The following GRM7 variants were observed in gnomAD, a reference collection of about 807,000 sequenced individuals.
GRM7 encodes metabotropic glutamate receptor 7.
Under a neutral mutation model 84.5 loss-of-function variants are expected in GRM7, and 35 were observed. That is an observed-to-expected ratio of 0.41 (90% CI 0.32 to 0.55). GRM7 has a LOEUF of 0.55. Among genes scored for constraint, GRM7 ranks in the 20% least tolerant of loss-of-function variants. GRM7 has a pLI of 0.19. For synonymous variants in GRM7, 487 were observed against 455.1 expected (o/e 1.07, Z -0.89); for missense variants, 1,003 against 1,194.6 (o/e 0.84, Z 2.36).
intron 4 of GRM7, among the ~76,000 whole-genome samples, chr3:7,316,458 T>C (rs991937345): frequency 6.6e-6 from 1 of 151,748 alleles, no homozygotes; most frequent in Admixed American, 6.6e-5. Context: ...AAAAAACAAA[T>C]GAGAGATGAC....
At chr3:7,728,239 A>G (rs111808425) in intron 9 of GRM7, among the ~76,000 whole-genome samples, 1 of 152,222 alleles carries the variant, frequency 6.6e-6, no homozygotes, top group Non-Finnish European at 1.5e-5. Context: ...CTTGTGGCCC[A>G]ATAACAAGAT....
chr3:7,183,889 G>T (rs768338136), intron 2 of GRM7, among the ~76,000 whole-genome samples: 2 of 152,114 alleles, frequency 1.3e-5, no homozygotes, highest in Non-Finnish European at 2.9e-5. Flanking sequence ...CTTCAGAGAA[G>T]AAGAGAGATT....
intron 7 of GRM7, among the ~76,000 whole-genome samples, chr3:7,482,592 G>A (rs982550847): frequency 6.6e-6 from 1 of 152,182 alleles, no homozygotes; most frequent in Non-Finnish European, 1.5e-5. Context: ...TGGTATGAGA[G>A]GCTATAAGAT....
chr3:7,425,535 A>T (rs898808888), intron 5 of GRM7, among the ~76,000 whole-genome samples: 5 of 152,154 alleles, frequency 3.3e-5, no homozygotes, highest in Non-Finnish European at 7.3e-5. Flanking sequence ...ATAGTGTGAA[A>T]CCAAGGTGGT....
chr3:7,695,541 A>ATAAC (rs535935431), intron 9 of GRM7, among the ~76,000 whole-genome samples: 2 of 152,314 alleles, frequency 1.3e-5, no homozygotes, highest in South Asian at 2.1e-4. Context: ...ATAGTCTTCC[A>ATAAC]TAACTGTTGC....
chr3:7,566,722 T>A (rs1388262915), intron 7 of GRM7, among the ~76,000 whole-genome samples: 1 of 151,578 alleles, frequency 6.6e-6, no homozygotes, highest in Non-Finnish European at 1.5e-5. Context: ...GAATATATGG[T>A]ATTTTTTAAA....
chr3:6,899,224 A>C (rs1237569415), intron 1 of GRM7, among the ~76,000 whole-genome samples: 1 of 152,130 alleles, frequency 6.6e-6, no homozygotes, highest in East Asian at 1.9e-4. Context: ...TTTCTCACTT[A>C]GTTTTATCTA....
At chr3:7,620,131 G>T (rs1361042364) in intron 8 of GRM7, among the ~76,000 whole-genome samples, 2 of 151,970 alleles carry the variant, frequency 1.3e-5, no homozygotes, top group Non-Finnish European at 2.9e-5. Flanking sequence ...TTAGAAAGAT[G>T]GTTAAGACTC....
chr3:7,320,970 T>A (rs1700757036), intron 4 of GRM7, among the ~76,000 whole-genome samples: 1 of 152,004 alleles, frequency 6.6e-6, no homozygotes, highest in Non-Finnish European at 1.5e-5. Flanking sequence ...TCTTACTGGG[T>A]AAATTCACAT....
chr3:7,242,340 T>G (rs2124923421), intron 2 of GRM7, among the ~76,000 whole-genome samples: 1 of 152,312 alleles, frequency 6.6e-6, no homozygotes, highest in East Asian at 1.9e-4. Context: ...ACCCATTTGG[T>G]TCATCAGAAA....
At chr3:7,132,076 T>C (rs1343694596) in intron 1 of GRM7, among the ~76,000 whole-genome samples, 1 of 152,202 alleles carries the variant, frequency 6.6e-6, no homozygotes, top group African/African-American at 2.4e-5. Context: ...CTCTCCCAAT[T>C]AGCTTAAACA....
At chr3:7,657,242 A>G (rs1346014265) in intron 8 of GRM7, among the ~76,000 whole-genome samples, 1 of 152,232 alleles carries the variant, frequency 6.6e-6, no homozygotes, top group Non-Finnish European at 1.5e-5. Context: ...TGAGAAAAAA[A>G]TGTTAAGTAG....
intron 1 of GRM7, among the ~76,000 whole-genome samples, chr3:7,042,816 T>C (rs911317370): frequency 6.6e-6 from 1 of 152,210 alleles, no homozygotes; most frequent in Non-Finnish European, 1.5e-5. Context: ...TCCCAAATAT[T>C]GGTCATTTTT....
In GRM7 at chr3:7,486,455, C is replaced by G. The variant is rs1226770292; in HGVS notation, c.1515+24733C>G. Reference sequence around the variant, plus strand: ...TGATACCATTGAGAGGCAATTGGGTCATAAAGCGTACTCCTTTATGAAGGG... The same window carrying G: ...TGATACCATTGAGAGGCAATTGGGTGATAAAGCGTACTCCTTTATGAAGGG... On this transcript the variant is annotated intron_variant, in intron 7 of 9. Transcript: ENST00000357716. This position sits in a 1 kb window ranked among gnomAD's most constrained non-coding sequence, Gnocchi z 5.5. 6.6e-6 allele frequency among the ~76,000 whole-genome samples: 1 copy of G among 152,048 alleles called. No homozygotes were observed. Among genetic ancestry groups the G allele is most frequent in the East Asian group, 1.9e-4 (1 of 5,174 alleles).
At chr3:7,719,047 G>T (rs1273525355) in intron 9 of GRM7, among the ~76,000 whole-genome samples, 1 of 152,150 alleles carries the variant, frequency 6.6e-6, no homozygotes, top group Non-Finnish European at 1.5e-5. Context: ...CAATGAGATG[G>T]GTGGTTGTGG....
chr3:6,890,838 A>C (rs1695906812), intron 1 of GRM7, among the ~76,000 whole-genome samples: 2 of 152,054 alleles, frequency 1.3e-5, no homozygotes, highest in African/African-American at 4.8e-5. Flanking sequence ...GGGGTGTTAA[A>C]GTCTCCCATT....
intron 2 of GRM7, among the ~76,000 whole-genome samples, chr3:7,256,711 G>A (rs1327344180): frequency 6.6e-6 from 1 of 152,122 alleles, no homozygotes; most frequent in Non-Finnish European, 1.5e-5. Flanking sequence ...TATTTATTGA[G>A]CATCTGCTAT....
chr3:6,960,339 T>C (rs1693244502), intron 1 of GRM7, among the ~76,000 whole-genome samples: 1 of 152,186 alleles, frequency 6.6e-6, no homozygotes. Flanking sequence ...ATGACATCAC[T>C]TTAGCACCTT....
intron 7 of GRM7, chr3:7,559,470 T>A (rs1380783773): frequency 6.6e-6 from 1 of 151,952 alleles, no homozygotes; most frequent in African/African-American, 2.4e-5. Context: ...AAAAACCACA[T>A]AGGAAGGTTG....
Sources: gnomAD v4.1 joint callset for allele counts (sites outside exome capture counted in the v4.1 genomes callset) on GRCh38, gnomAD v4.1.1 for gene constraint, Gnocchi (gnomAD v3.1) non-coding constraint, MANE v1.5 for transcripts, NCBI Gene and HGNC (gene_info 2026-07-23, HGNC 2026-07-21) for gene names.